NSMCE2: variants seen among roughly 807,000 people sequenced by gnomAD.
NSMCE2 encodes NSE2 SUMO ligase component of SMC5/6 complex.
NSMCE2 carries 24 observed loss-of-function variants against 23.8 expected under a neutral mutation model. The observed-to-expected ratio is 1.01, with a 90% CI of 0.73 to 1.42. The LOEUF is 1.42. Ranked by LOEUF, NSMCE2 falls within the 40% of genes most tolerant of loss-of-function variation. The probability of loss-of-function intolerance (pLI) is 0.00; values close to 1 mark genes in which losing one functional copy is unlikely to be tolerated. For missense variants in NSMCE2, 284 were observed against 296.5 expected (o/e 0.96, Z 0.31); for synonymous variants, 92 against 94.1 (o/e 0.98, Z 0.13).
chr8:125,200,747 G>A (rs1823834901), intron 5 of NSMCE2, among the ~76,000 whole-genome samples: 1 of 152,092 alleles, frequency 6.6e-6, no homozygotes, highest in African/African-American at 2.4e-5. Context: ...AAGTTCTCCT[G>A]GATAATATCC....
intron 5 of NSMCE2, among the ~76,000 whole-genome samples, chr8:125,294,716 C>T (rs1828255167): frequency 6.6e-6 from 1 of 152,072 alleles, no homozygotes; most frequent in Non-Finnish European, 1.5e-5. Flanking sequence ...CGTGAAAAAA[C>T]ATAAAGTAAA....
intron 5 of NSMCE2, among the ~76,000 whole-genome samples, chr8:125,263,328 C>T (rs185290431): frequency 8.4e-4 from 128 of 152,228 alleles, no homozygotes; most frequent in African/African-American, 2.9e-3. Flanking sequence ...CTCTCTTAGA[C>T]GTTGGAATAC....
intron 5 of NSMCE2, among the ~76,000 whole-genome samples, chr8:125,355,082 A>G (rs1033380644): frequency 2.6e-5 from 4 of 152,340 alleles, no homozygotes; most frequent in Admixed American, 2.6e-4. Context: ...TGCTTATGCA[A>G]ATATTTCAAA....
intron 5 of NSMCE2, among the ~76,000 whole-genome samples, chr8:125,337,157 C>A (rs1299743210): frequency 6.6e-6 from 1 of 152,178 alleles, no homozygotes; most frequent in Non-Finnish European, 1.5e-5. Context: ...AAAGAATGGG[C>A]AAACATTTGC....
At chr8:125,124,525 CT>C (rs1314230494) in intron 3 of NSMCE2, among the ~76,000 whole-genome samples, 1 of 151,924 alleles carries the variant, frequency 6.6e-6, no homozygotes, top group Non-Finnish European at 1.5e-5. Flanking sequence ...GTTGCCCAGG[CT>C]GAAGTTCAGT....
In NSMCE2 at chr8:125,277,537, C is replaced by T. The variant is rs866121322; in HGVS notation, c.419-79682C>T. The stretch of plus-strand genomic sequence containing the variant: ...TTTTTTTTTTTTCGAGATGAAGTCT[C>T]GCTTTGTCGCCCAGGCTGGAGTGCA... On this transcript the variant is annotated intron_variant, in intron 5 of 7. Transcript: ENST00000287437. Among the ~76,000 whole-genome samples the T allele has an allele frequency of 9.3e-5, 14 of 150,928 alleles. No individual in the cohort carries two copies. In the Middle Eastern group the frequency reaches 0.01, roughly 110 times the overall value.
At chr8:125,234,532 TATA>T (rs1825463949) in intron 5 of NSMCE2, among the ~76,000 whole-genome samples, 2 of 152,218 alleles carry the variant, frequency 1.3e-5, no homozygotes, top group Non-Finnish European at 1.5e-5. Context: ...GTAACTTTAT[TATA>T]ATAACTTAAT....
intron 5 of NSMCE2, among the ~76,000 whole-genome samples, chr8:125,286,774 C>CAAAA (rs11403131): frequency 3.0e-5 from 4 of 131,592 alleles, no homozygotes; most frequent in Admixed American, 7.6e-5. Context: ...AAGCCTAGAG[C>CAAAA]AAAAAAAAAA....
chr8:125,171,050 T>C, intron 4 of NSMCE2, among the ~76,000 whole-genome samples: 1 of 152,150 alleles, frequency 6.6e-6, no homozygotes, highest in Admixed American at 6.5e-5. Flanking sequence ...CCAAACCCTT[T>C]TTACTGTGAC....
At chr8:125,264,675 T>C (rs1826841511) in intron 5 of NSMCE2, among the ~76,000 whole-genome samples, 1 of 152,144 alleles carries the variant, frequency 6.6e-6, no homozygotes, top group African/African-American at 2.4e-5. Context: ...TTGAAGCTAC[T>C]TCAGAACCGT....
At chr8:125,171,407 T>TC (rs1822199518) in intron 4 of NSMCE2, among the ~76,000 whole-genome samples, 1 of 152,162 alleles carries the variant, frequency 6.6e-6, no homozygotes, top group African/African-American at 2.4e-5. Context: ...GCTAATGCAG[T>TC]CAGTCCTAGC....
chr8:125,222,718 G>A (rs984419274), intron 5 of NSMCE2, among the ~76,000 whole-genome samples: 3 of 152,152 alleles, frequency 2.0e-5, no homozygotes, highest in African/African-American at 7.2e-5. Context: ...AGGCTAGCTA[G>A]TATTCCATTG....
chr8:125,255,415 C>T (rs994940682), intron 5 of NSMCE2, among the ~76,000 whole-genome samples: 3 of 152,112 alleles, frequency 2.0e-5, no homozygotes, highest in Admixed American at 1.3e-4. Context: ...AACACTGAGT[C>T]GAGACACCTA....
chr8:125,216,102 C>T (rs948502332), intron 5 of NSMCE2, among the ~76,000 whole-genome samples: 6 of 152,218 alleles, frequency 3.9e-5, no homozygotes, highest in Non-Finnish European at 7.3e-5. Context: ...TGGCATATTT[C>T]ACTTCCCACA....
At chr8:125,187,931 A>G (rs1823177929) in intron 5 of NSMCE2, among the ~76,000 whole-genome samples, 1 of 152,218 alleles carries the variant, frequency 6.6e-6, no homozygotes, top group Non-Finnish European at 1.5e-5. Context: ...ACAAATTTAG[A>G]CAGTATATTT....
chr8:125,106,175 A>G (rs1818449444), intron 3 of NSMCE2, among the ~76,000 whole-genome samples: 1 of 152,214 alleles, frequency 6.6e-6, no homozygotes, highest in Non-Finnish European at 1.5e-5. Flanking sequence ...GAGGACATAA[A>G]CAAGTATTAA....
At chr8:125,208,922 G>A (rs1009500158) in intron 5 of NSMCE2, among the ~76,000 whole-genome samples, 8 of 152,178 alleles carry the variant, frequency 5.3e-5, no homozygotes, top group African/African-American at 1.9e-4. Context: ...TGGGAAGATT[G>A]CTGTCAATGT....
chr8:125,113,081 T>C (rs1030069521), intron 3 of NSMCE2, among the ~76,000 whole-genome samples: 2 of 150,000 alleles, frequency 1.3e-5, no homozygotes, highest in Non-Finnish European at 3.0e-5. Flanking sequence ...AGTCAATACC[T>C]ACAGAATATG....
At chr8:125,244,523 AT>A (rs1825883421) in intron 5 of NSMCE2, among the ~76,000 whole-genome samples, 2 of 152,200 alleles carry the variant, frequency 1.3e-5, no homozygotes, top group Non-Finnish European at 2.9e-5. Flanking sequence ...AAAGACAAGG[AT>A]TCGAATTGGC....
Sources: allele counts gnomAD v4.1 joint callset (sites outside exome capture counted in the v4.1 genomes callset), GRCh38; gene constraint gnomAD v4.1.1; transcripts MANE v1.5; gene names NCBI Gene and HGNC (gene_info 2026-07-23, HGNC 2026-07-21).